The following SUPT3H variants were observed in gnomAD, a reference collection of about 807,000 sequenced individuals.
The protein encoded by SUPT3H is transcription initiation protein SPT3 homolog.
In SUPT3H, 44 loss-of-function variants were observed where a neutral mutation model predicts 44.3. That is an observed-to-expected ratio of 0.99 (90% CI 0.78 to 1.28). The LOEUF is 1.28. Ranked by LOEUF, SUPT3H falls within the 50% of genes most tolerant of loss-of-function variation. The pLI is 0.00. For missense variants in SUPT3H, 380 were observed against 387.1 expected (o/e 0.98, Z 0.15); for synonymous variants, 124 against 125.6 (o/e 0.99, Z 0.09).
chr6:45,245,599 G>A (rs1012428351), intron 2 of SUPT3H, among the ~76,000 whole-genome samples: 3 of 152,036 alleles, frequency 2.0e-5, no homozygotes, highest in Non-Finnish European at 4.4e-5. Flanking sequence ...TATCCATGAC[G>A]CAAGAAGTTC....
intron 10 of SUPT3H, among the ~76,000 whole-genome samples, chr6:44,864,904 T>A (rs1775257343): frequency 6.6e-6 from 1 of 152,216 alleles, no homozygotes; most frequent in Non-Finnish European, 1.5e-5. Flanking sequence ...GGCTTGAATT[T>A]CTCCTCATAT....
chr6:44,909,992 AC>A (rs1161739920), intron 10 of SUPT3H, among the ~76,000 whole-genome samples: 1 of 152,188 alleles, frequency 6.6e-6, no homozygotes, highest in Non-Finnish European at 1.5e-5. Context: ...GACAATACAT[AC>A]CAAAAGTCTT....
At chr6:44,952,876 A>G (rs609243) in intron 9 of SUPT3H, among the ~76,000 whole-genome samples, 2,074 of 152,326 alleles carry the variant, frequency 0.014, 54 homozygotes, top group African/African-American at 0.048. Flanking sequence ...TCTTTAAATC[A>G]TTTTTAGAGA....
chr6:44,892,189 C>A (rs1040011060), intron 10 of SUPT3H, among the ~76,000 whole-genome samples: 1 of 152,050 alleles, frequency 6.6e-6, no homozygotes, highest in African/African-American at 2.4e-5. Flanking sequence ...CCCCTAACCC[C>A]CAATGTGACT....
At chr6:44,936,555 A>G (rs1007001230) in intron 9 of SUPT3H, among the ~76,000 whole-genome samples, 7 of 152,236 alleles carry the variant, frequency 4.6e-5, no homozygotes, top group African/African-American at 1.7e-4. Context: ...TGTACACATT[A>G]TTTAGCTCTC....
At chr6:45,164,889 A>G (rs1809599130) in intron 2 of SUPT3H, among the ~76,000 whole-genome samples, 1 of 152,176 alleles carries the variant, frequency 6.6e-6, no homozygotes, top group Admixed American at 6.6e-5. Context: ...GCCACCAGAG[A>G]AGAAGCATGA....
At chr6:45,278,214 G>A (rs949388176) in intron 2 of SUPT3H, among the ~76,000 whole-genome samples, 7 of 152,002 alleles carry the variant, frequency 4.6e-5, no homozygotes, top group Admixed American at 3.9e-4. Flanking sequence ...GATGGGTGCA[G>A]CAAACCACCA....
At chr6:45,329,068 A>G (rs1312914690) in intron 2 of SUPT3H, among the ~76,000 whole-genome samples, 1 of 152,028 alleles carries the variant, frequency 6.6e-6, no homozygotes, top group African/African-American at 2.4e-5. Flanking sequence ...TGAAAACAGT[A>G]AAAGAAACAG....
At position 45,026,687 on chromosome 6, in the gene SUPT3H, C is replaced by T. The variant is rs568430532; in HGVS notation, c.187-6055G>A. 3.3e-4 allele frequency among the ~76,000 whole-genome samples: 50 copies of T among 152,140 alleles called. No homozygotes were observed. In the South Asian group the frequency reaches 3.9e-3, roughly 12 times the overall value. ...TTTAAGCTTGTTTCTATTTTATTTA[C>T]CAACATATTTGAAATAAGCTTATAA... On this transcript the variant is annotated intron_variant, in intron 3 of 10. Coordinates refer to ENST00000371459, the MANE Select transcript of SUPT3H (RefSeq NM_003599.4).
intron 7 of SUPT3H, 69 bp downstream of exon 7, chr6:44,961,684 C>A: frequency 8.1e-7 from 1 of 1,234,108 alleles, no homozygotes; most frequent in South Asian, 1.3e-5. Context: ...CAGATCCTGT[C>A]ATACTTTAGT....
intron 6 of SUPT3H, among the ~76,000 whole-genome samples, chr6:45,000,904 C>G (rs568513277): frequency 1.3e-5 from 2 of 152,026 alleles, no homozygotes; most frequent in East Asian, 1.9e-4. Context: ...TTTTAAGCAC[C>G]CATTGTTTAC....
At chr6:45,202,824 A>C (rs1263536108) in intron 2 of SUPT3H, among the ~76,000 whole-genome samples, 6 of 152,146 alleles carry the variant, frequency 3.9e-5, no homozygotes, top group Admixed American at 3.9e-4. Flanking sequence ...TAGTACTTAC[A>C]CATTTTACAC....
intron 2 of SUPT3H, among the ~76,000 whole-genome samples, chr6:45,267,993 G>T (rs1453325784): frequency 1.3e-5 from 2 of 152,022 alleles, no homozygotes; most frequent in African/African-American, 4.8e-5. Flanking sequence ...AAGAGTTATA[G>T]GTACATTATT....
chr6:45,116,308 C>T (rs945663902), intron 2 of SUPT3H, among the ~76,000 whole-genome samples: 3 of 152,214 alleles, frequency 2.0e-5, no homozygotes, highest in Middle Eastern at 3.4e-3. Flanking sequence ...AAATCCTTCA[C>T]CTAGAATCAC....
At chr6:45,199,139 G>T (rs1816574545) in intron 2 of SUPT3H, among the ~76,000 whole-genome samples, 1 of 150,992 alleles carries the variant, frequency 6.6e-6, no homozygotes, top group African/African-American at 2.4e-5. Context: ...TTAACTCAAA[G>T]ACAATAAAAT....
intron 2 of SUPT3H, among the ~76,000 whole-genome samples, chr6:45,353,502 G>A (rs748753136): frequency 1.3e-5 from 2 of 152,088 alleles, no homozygotes; most frequent in South Asian, 2.1e-4. Context: ...ATCTGATAAA[G>A]GTAGTATTTC....
At chr6:45,355,749 T>C (rs1242155880) in intron 2 of SUPT3H, among the ~76,000 whole-genome samples, 3 of 152,198 alleles carry the variant, frequency 2.0e-5, no homozygotes, top group East Asian at 1.9e-4. Flanking sequence ...AAATTCTAAA[T>C]TGGAAGAGGC....
chr6:45,266,164 T>TG (rs1032192746), intron 2 of SUPT3H, among the ~76,000 whole-genome samples: 1 of 151,164 alleles, frequency 6.6e-6, no homozygotes, highest in Non-Finnish European at 1.5e-5. Flanking sequence ...ACCTGACAAT[T>TG]TTTTTTTTAA....
chr6:44,904,727 A>T (rs1435791466), intron 10 of SUPT3H, among the ~76,000 whole-genome samples: 2 of 152,236 alleles, frequency 1.3e-5, no homozygotes, highest in Non-Finnish European at 2.9e-5. Context: ...TCCTAAGCCA[A>T]AAGAACAAAG....
Sources: gnomAD v4.1 joint callset for allele counts (sites outside exome capture counted in the v4.1 genomes callset) on GRCh38, gnomAD v4.1.1 for gene constraint, MANE v1.5 for transcripts, NCBI Gene and HGNC (gene_info 2026-07-23, HGNC 2026-07-21) for gene names.